STXBP4: variants seen among roughly 807,000 people sequenced by gnomAD.
STXBP4 encodes syntaxin binding protein 4.
Under a neutral mutation model 76.1 loss-of-function variants are expected in STXBP4, and 55 were observed. The ratio of observed to expected loss-of-function variants is 0.72; its 90% CI spans 0.58 to 0.91. The LOEUF is 0.91. Ranked by LOEUF, STXBP4 falls within the 40% of genes least tolerant of loss-of-function variation. STXBP4 has a pLI of 0.00. For missense variants in STXBP4, 618 were observed against 636.9 expected, an observed-to-expected ratio of 0.97 and a Z score of 0.32; for synonymous variants, 201 against 220.2, an observed-to-expected ratio of 0.91 and a Z score of 0.77.
chr17:54,977,843 AAT>A, intron 1 of STXBP4, among the ~76,000 whole-genome samples: 1 of 152,314 alleles, frequency 6.6e-6, no homozygotes, highest in Non-Finnish European at 1.5e-5. Context: ...TATAGGAAGA[AAT>A]ATTTACATTT....
In STXBP4 at chr17:55,046,727, G is replaced by A. The variant is rs189186323; in HGVS notation, c.946-362G>A. On this transcript the variant is annotated intron_variant, in intron 11 of 17. Coordinates refer to ENST00000376352, the MANE Select transcript of STXBP4 (RefSeq NM_178509.6). Reference sequence around the variant, plus strand: ...ATATGCCCTCTTTTGTATGGTCGAAGACCTTTAATTCTAATTTGTAATAAT... The same window carrying A: ...ATATGCCCTCTTTTGTATGGTCGAAAACCTTTAATTCTAATTTGTAATAAT... Among the ~76,000 whole-genome samples the A allele has an allele frequency of 1.1e-3, 163 of 151,982 alleles. 2 individuals carry two copies. Among genetic ancestry groups the A allele is most frequent in the Admixed American group, 0.011 (161 of 15,248 alleles).
intron 16 of STXBP4, among the ~76,000 whole-genome samples, chr17:55,100,946 T>A (rs1413200667): frequency 1.3e-5 from 2 of 152,160 alleles, no homozygotes; most frequent in African/African-American, 2.4e-5. Flanking sequence ...GGATGAATCC[T>A]TCAGTGCTCC....
In STXBP4 at chr17:55,163,904, G is replaced by A. The variant is rs1035430578; in HGVS notation, c.*3993G>A. 2 of 152,474 alleles carry A rather than the reference G, an allele frequency of 1.3e-5. No homozygotes were observed. Among genetic ancestry groups the A allele is most frequent in the Non-Finnish European group, 2.9e-5 (2 of 68,014 alleles). 9.4% of individuals were successfully genotyped at this position (152,474 alleles called of 1,614,324 possible). The stretch of plus-strand genomic sequence containing the variant: ...AATGCAAAGCAGCTGTCAAAATATA[G>A]AGTCAAGTGATACTTTCATAAAGTG... On this transcript the variant is annotated 3_prime_UTR_variant, in exon 18 of 18. Coordinates refer to ENST00000376352, the MANE Select transcript of STXBP4 (RefSeq NM_178509.6).
intron 12 of STXBP4, among the ~76,000 whole-genome samples, chr17:55,063,900 A>G (rs1164738660): frequency 1.3e-5 from 2 of 152,206 alleles, no homozygotes; most frequent in African/African-American, 4.8e-5. Flanking sequence ...AACATTTTGC[A>G]TTTCTTAATG....
chr17:55,080,200 A>C (rs1377542836), intron 15 of STXBP4, among the ~76,000 whole-genome samples: 3 of 152,182 alleles, frequency 2.0e-5, no homozygotes, highest in African/African-American at 7.2e-5. Context: ...AAAAAAAGAC[A>C]ACTTTAAATA....
chr17:55,059,719 C>G (rs1434854034), intron 12 of STXBP4, among the ~76,000 whole-genome samples: 1 of 152,064 alleles, frequency 6.6e-6, no homozygotes, highest in Non-Finnish European at 1.5e-5. Flanking sequence ...TCTATAGAAT[C>G]AGAATCTACA....
At chr17:55,138,389 G>A (rs1267097704) in intron 16 of STXBP4, among the ~76,000 whole-genome samples, 2 of 152,042 alleles carry the variant, frequency 1.3e-5, no homozygotes, top group Non-Finnish European at 2.9e-5. Flanking sequence ...GAAATGTAAT[G>A]ACTTTGGTTT....
chr17:55,004,782 G>A (rs1391828681), intron 7 of STXBP4, among the ~76,000 whole-genome samples: 1 of 151,882 alleles, frequency 6.6e-6, no homozygotes, highest in Non-Finnish European at 1.5e-5. Flanking sequence ...GGGAGAAGGA[G>A]AAGGAAAAGA....
At chr17:55,064,678 G>T (rs1325774911) in intron 12 of STXBP4, among the ~76,000 whole-genome samples, 2 of 151,968 alleles carry the variant, frequency 1.3e-5, no homozygotes, top group Non-Finnish European at 2.9e-5. Flanking sequence ...GCTAATTTTT[G>T]TACTTTTAGT....
intron 1 of STXBP4, among the ~76,000 whole-genome samples, chr17:54,973,581 A>G (rs1567865968): frequency 1.3e-5 from 2 of 152,256 alleles, no homozygotes; most frequent in South Asian, 2.1e-4. Flanking sequence ...ACAATACAAC[A>G]TTGGGAGATG....
In STXBP4 at chr17:55,026,345, TC is replaced by T. The variant is rs376847657; in HGVS notation, c.667-4817del. Reference sequence around the variant, plus strand: ...CATGAAAAAGAAAAAAGTTTTTTTTTCCCCCCAAGATGGTAGATTAGAGCGG... The same window carrying T: ...CATGAAAAAGAAAAAAGTTTTTTTTTCCCCCAAGATGGTAGATTAGAGCGG... On this transcript the variant is annotated intron_variant, in intron 8 of 17. Coordinates refer to ENST00000376352, the MANE Select transcript of STXBP4 (RefSeq NM_178509.6). Among the ~76,000 whole-genome samples the T allele has an allele frequency of 1.2e-4, 18 of 152,166 alleles. 1 individual carries two copies. In the South Asian group the frequency reaches 3.1e-3, roughly 26 times the overall value.
intron 10 of STXBP4, among the ~76,000 whole-genome samples, chr17:55,037,125 A>T (rs1481702395): frequency 6.6e-6 from 1 of 152,158 alleles, no homozygotes; most frequent in Non-Finnish European, 1.5e-5. Flanking sequence ...CTGATTTATC[A>T]GAACTAATTT....
chr17:55,044,246 A>T (rs908395513), intron 11 of STXBP4: 1 of 152,048 alleles, frequency 6.6e-6, no homozygotes, highest in Non-Finnish European at 1.5e-5. Flanking sequence ...ATATTTTCCA[A>T]ATCTTTAGGA....
At chr17:55,076,822 C>T (rs1031441486) in intron 13 of STXBP4, among the ~76,000 whole-genome samples, 3 of 152,058 alleles carry the variant, frequency 2.0e-5, no homozygotes. Context: ...TACCTTTTCT[C>T]CCCATTTGTA....
intron 1 of STXBP4, among the ~76,000 whole-genome samples, chr17:54,974,841 AAACT>A (rs2077448575): frequency 1.1e-4 from 1 of 9,426 alleles, no homozygotes; most frequent in African/African-American, 2.5e-3. Flanking sequence ...GCAGTTTTGC[AAACT>A]CATAGTTATA....
intron 16 of STXBP4, among the ~76,000 whole-genome samples, chr17:55,137,529 T>G (rs1225049875): frequency 3.3e-5 from 5 of 152,098 alleles, no homozygotes; most frequent in Non-Finnish European, 7.4e-5. Context: ...ACAAGAAAAA[T>G]TGCTGGATTA....
chr17:55,018,694 A>G (rs1262861638), intron 8 of STXBP4, among the ~76,000 whole-genome samples: 1 of 152,180 alleles, frequency 6.6e-6, no homozygotes, highest in Non-Finnish European at 1.5e-5. Flanking sequence ...CGGTGGAGTT[A>G]AGAGCAATGT....
At chr17:55,084,523 T>C (rs1490497082) in intron 16 of STXBP4, among the ~76,000 whole-genome samples, 4 of 150,950 alleles carry the variant, frequency 2.6e-5, no homozygotes, top group Admixed American at 6.6e-5. Context: ...TTGTTGCCAT[T>C]GCTTTTGGTG....
At chr17:54,977,314 A>G (rs1021332618) in intron 1 of STXBP4, among the ~76,000 whole-genome samples, 4 of 152,214 alleles carry the variant, frequency 2.6e-5, no homozygotes, top group African/African-American at 9.6e-5. Context: ...TCAACCAATC[A>G]CAGATTGAAA....
Sources: allele counts gnomAD v4.1 joint callset (sites outside exome capture counted in the v4.1 genomes callset), GRCh38; gene constraint gnomAD v4.1.1; transcripts MANE v1.5; gene names NCBI Gene and HGNC (gene_info 2026-07-23, HGNC 2026-07-21).